ENTPD5: variants seen among roughly 807,000 people sequenced by gnomAD.
ENTPD5 encodes ectonucleoside triphosphate diphosphohydrolase 5 (inactive).
A neutral mutation model predicts 60.2 loss-of-function variants in ENTPD5; 49 were observed. The ratio of observed to expected loss-of-function variants is 0.81; its 90% CI spans 0.65 to 1.03. The LOEUF (loss-of-function observed/expected upper bound fraction) is 1.03. Ranked by LOEUF, ENTPD5 falls within the 50% of genes least tolerant of loss-of-function variation. The pLI is 0.00. For missense variants in ENTPD5, 480 were observed against 507.6 expected (o/e 0.95, Z 0.52); for synonymous variants, 187 against 185.4 (o/e 1.01, Z -0.07).
intron 6 of ENTPD5, among the ~76,000 whole-genome samples, chr14:73,978,244 T>G (rs889118614): frequency 2.0e-5 from 3 of 150,768 alleles, no homozygotes; most frequent in Admixed American, 1.3e-4. Flanking sequence ...CAGTTTGTTC[T>G]CAAAACAGCA....
At chr14:73,973,341 G>A (rs1483264936) in intron 12 of ENTPD5, among the ~76,000 whole-genome samples, 4 of 152,078 alleles carry the variant, frequency 2.6e-5, no homozygotes, top group Non-Finnish European at 5.9e-5. Flanking sequence ...TCCTTCACTG[G>A]GAATTCAGGT....
At chr14:73,963,028 T>G, downstream of ENTPD5, 1 of 1,572,130 alleles carries the variant, frequency 6.4e-7, no homozygotes. Flanking sequence ...AAGATTACGT[T>G]GATGAAAAAG....
At chr14:73,961,723 C>A, downstream of ENTPD5, 1 of 1,614,050 alleles carries the variant, frequency 6.2e-7, no homozygotes, top group South Asian at 1.1e-5. Context: ...TTTAATCTTT[C>A]CTCTGCCCTT....
At chr14:73,978,753 A>G (rs1053362113) in intron 6 of ENTPD5, among the ~76,000 whole-genome samples, 5 of 151,702 alleles carry the variant, frequency 3.3e-5, no homozygotes, top group African/African-American at 1.2e-4. Flanking sequence ...TATACTAAAA[A>G]TAGAATATTA....
chr14:73,959,497 T>A (rs747865554), downstream of ENTPD5: 1 of 1,614,050 alleles, frequency 6.2e-7, no homozygotes, highest in African/African-American at 1.3e-5. Context: ...GAGGAAAAAT[T>A]TGTGGATGCC....
intron 3 of ENTPD5, among the ~76,000 whole-genome samples, chr14:74,001,837 A>G (rs1197656356): frequency 6.6e-6 from 1 of 152,048 alleles, no homozygotes; most frequent in Non-Finnish European, 1.5e-5. Context: ...TATGCGACAG[A>G]GTGAGACCCT....
intron 3 of ENTPD5, among the ~76,000 whole-genome samples, chr14:73,999,923 A>G (rs757221183): frequency 5.3e-5 from 8 of 151,364 alleles, no homozygotes; most frequent in Non-Finnish European, 1.0e-4. Context: ...CCCCATCTCT[A>G]CCAAAAATTT....
At chr14:73,988,283 C>T in intron 3 of ENTPD5, 111 bp from the exon 4 acceptor site, 2 of 1,042,690 alleles carry the variant, frequency 1.9e-6, no homozygotes, top group Non-Finnish European at 2.7e-6. Flanking sequence ...TTCTAATAAC[C>T]TGTACAACAA....
chr14:73,984,509 T>A (rs934868627), intron 5 of ENTPD5, among the ~76,000 whole-genome samples: 1 of 152,224 alleles, frequency 6.6e-6, no homozygotes, highest in Non-Finnish European at 1.5e-5. Context: ...ATGCTCAATT[T>A]GTAATAAATG....
downstream of ENTPD5, chr14:73,957,962 T>C (rs973752436): frequency 5.0e-6 from 3 of 599,418 alleles, no homozygotes; most frequent in East Asian, 3.1e-5. Flanking sequence ...TTTTTTGACA[T>C]TGAGTTATCT....
Position 73,966,688 on chromosome 14 carries a change from C to T in ENTPD5, c.*240G>A, listed in dbSNP as rs527420488. 2.2e-4 allele frequency: 89 copies of T among 412,222 alleles called. No homozygotes were observed. Among genetic ancestry groups the T allele is most frequent in the Non-Finnish European group, 3.5e-4 (82 of 231,484 alleles). 25.5% of individuals were successfully genotyped at this position (412,222 alleles called of 1,614,324 possible). A position where few individuals can be genotyped will look rare whatever the true frequency, so the allele number is the denominator to read the frequency against. On this transcript the variant is annotated 3_prime_UTR_variant, in exon 16 of 16. Transcript: ENST00000334696. The stretch of plus-strand genomic sequence containing the variant: ...CCAGGGACCTGTCCCTGGGCTCTCA[C>T]TCCAAGGTTAAGTTCCAAAACTATA...
chr14:73,983,752 G>A (rs550262262), intron 5 of ENTPD5, among the ~76,000 whole-genome samples: 5 of 149,858 alleles, frequency 3.3e-5, no homozygotes, highest in African/African-American at 7.3e-5. Flanking sequence ...GCATGATCTT[G>A]TGATCTTGGC....
chr14:74,011,765 T>C (rs879574343), intron 2 of ENTPD5, among the ~76,000 whole-genome samples: 5 of 152,138 alleles, frequency 3.3e-5, no homozygotes, highest in Non-Finnish European at 5.9e-5. Flanking sequence ...AGGTCTTTTT[T>C]TGCTGTTAAA....
At chr14:73,959,079 G>T (rs376432164), downstream of ENTPD5, 49 of 1,614,064 alleles carry the variant, frequency 3.0e-5, no homozygotes, top group Non-Finnish European at 4.2e-5. Context: ...TTTATCAGAG[G>T]TAAGATCCTG....
At chr14:73,975,128 G>T in intron 10 of ENTPD5, 143 bp from the exon 11 acceptor site, 1 of 658,022 alleles carries the variant, frequency 1.5e-6, no homozygotes. Flanking sequence ...CATCTCCTGT[G>T]GTCAACAAGG....
chr14:73,980,960 G>A (rs902663740), intron 6 of ENTPD5, among the ~76,000 whole-genome samples: 1 of 151,888 alleles, frequency 6.6e-6, no homozygotes, highest in Non-Finnish European at 1.5e-5. Context: ...TTAGCTGGGA[G>A]TGGTGGCGCA....
At chr14:73,997,341 G>A (rs901916131) in intron 3 of ENTPD5, among the ~76,000 whole-genome samples, 19 of 152,014 alleles carry the variant, frequency 1.2e-4, no homozygotes, top group Admixed American at 1.2e-3. Flanking sequence ...GACTCCCTAA[G>A]CAAATATCAT....
intron 6 of ENTPD5, among the ~76,000 whole-genome samples, chr14:73,979,855 T>A (rs2057603296): frequency 6.6e-6 from 1 of 152,062 alleles, no homozygotes; most frequent in Non-Finnish European, 1.5e-5. Flanking sequence ...AGGCTGCTCA[T>A]CCTTGGATAA....
Position 73,964,810 on chromosome 14 carries a change from C to A in ENTPD5, c.*2118G>T, listed in dbSNP as rs2056906965. 1 of 152,124 alleles carries A rather than the reference C, an allele frequency of 6.6e-6. No individual in the cohort carries two copies. Among genetic ancestry groups the A allele is most frequent in the Non-Finnish European group, 1.5e-5 (1 of 68,032 alleles). 9.4% of individuals were successfully genotyped at this position (152,124 alleles called of 1,614,324 possible). On this transcript the variant is annotated 3_prime_UTR_variant, in exon 16 of 16. Transcript: ENST00000334696. The stretch of plus-strand genomic sequence containing the variant: ...AAGATTTTGGAAGGAGAGATTAGAG[C>A]AGAACTAAGACCACTTAGAAGATAG...
Sources: allele counts gnomAD v4.1 joint callset (sites outside exome capture counted in the v4.1 genomes callset), GRCh38; gene constraint gnomAD v4.1.1; transcripts MANE v1.5; gene names NCBI Gene and HGNC (gene_info 2026-07-23, HGNC 2026-07-21).